The following DROSHA variants were observed in gnomAD, a reference collection of about 807,000 sequenced individuals.
DROSHA encodes the protein drosha ribonuclease III.
A neutral mutation model predicts 181.9 loss-of-function variants in DROSHA; 56 were observed. The observed-to-expected ratio is 0.31, with a 90% CI of 0.25 to 0.38. The LOEUF (loss-of-function observed/expected upper bound fraction) is 0.38. DROSHA is among the 10% of genes least tolerant of loss of function. The probability of loss-of-function intolerance (pLI) is 1.00; values close to 1 mark genes in which losing one functional copy is unlikely to be tolerated. For synonymous variants in DROSHA, 524 were observed against 591.2 expected, an observed-to-expected ratio of 0.89 and a Z score of 1.65; for missense variants, 1,218 against 1,743.5, an observed-to-expected ratio of 0.70 and a Z score of 5.37.
intron 16 of DROSHA, among the ~76,000 whole-genome samples, chr5:31,476,063 G>C (rs1408710700): frequency 1.3e-5 from 2 of 152,228 alleles, no homozygotes; most frequent in Non-Finnish European, 2.9e-5. Context: ...GGCACAACTA[G>C]ATTAAGAAAT....
At chr5:31,422,417 C>T (rs914879121) in intron 29 of DROSHA, among the ~76,000 whole-genome samples, 7 of 152,180 alleles carry the variant, frequency 4.6e-5, no homozygotes, top group African/African-American at 1.7e-4. Context: ...CAGCCATGTT[C>T]ACTCATTTGC....
At chr5:31,428,408 G>A (rs1423244894) in intron 27 of DROSHA, among the ~76,000 whole-genome samples, 2 of 152,122 alleles carry the variant, frequency 1.3e-5, no homozygotes, top group South Asian at 2.1e-4. Context: ...GAAAATTTAA[G>A]ATTTGAGAAA....
chr5:31,443,877 T>A (rs1745948937), intron 23 of DROSHA, among the ~76,000 whole-genome samples: 1 of 152,206 alleles, frequency 6.6e-6, no homozygotes, highest in South Asian at 2.1e-4. Context: ...CCTTTAATAC[T>A]TATTTACTGA....
chr5:31,528,626 C>T (rs17409624), intron 4 of DROSHA, among the ~76,000 whole-genome samples: 69,476 of 151,984 alleles, frequency 0.46, 16,554 homozygotes, highest in East Asian at 0.6. Context: ...ACATCATCAC[C>T]TCTTACATGG....
rs1456441160 is a variant in DROSHA, at chr5:31,530,909, C to A, written c.-158G>T. On this transcript the variant is annotated 5_prime_UTR_variant, in exon 3 of 36. Coordinates refer to ENST00000344624, the MANE Select transcript of DROSHA (RefSeq NM_001382508.1). ...ACAGTCATTTCTGTATCCTTCACAT[C>A]CCCGGGAAAAGCAACCTACACACAG... 2.5e-6 allele frequency: 1 copy of A among 398,434 alleles called. No individual in the cohort carries two copies. Among genetic ancestry groups the A allele is most frequent in the Non-Finnish European group, 4.4e-6 (1 of 226,052 alleles). 24.7% of individuals were successfully genotyped at this position (398,434 alleles called of 1,614,324 possible).
intron 20 of DROSHA, among the ~76,000 whole-genome samples, chr5:31,452,676 T>A (rs1040438214): frequency 6.6e-6 from 1 of 152,184 alleles, no homozygotes; most frequent in Non-Finnish European, 1.5e-5. Context: ...CTTGAAACTA[T>A]AGAAATTAGT....
intron 8 of DROSHA, among the ~76,000 whole-genome samples, chr5:31,512,815 C>A (rs989234840): frequency 7.2e-5 from 11 of 152,172 alleles, no homozygotes; most frequent in Admixed American, 5.2e-4. Context: ...CCTGGAGGAA[C>A]CAAGAAGTGC....
intron 30 of DROSHA, among the ~76,000 whole-genome samples, chr5:31,416,522 G>A (rs2149992042): frequency 6.6e-6 from 1 of 151,752 alleles, no homozygotes; most frequent in East Asian, 1.9e-4. Context: ...AAACAACACA[G>A]AATTTTGATG....
intron 30 of DROSHA, among the ~76,000 whole-genome samples, chr5:31,420,463 G>A (rs1201496825): frequency 3.3e-5 from 5 of 152,058 alleles, no homozygotes; most frequent in Non-Finnish European, 5.9e-5. Context: ...AAAACAGTAC[G>A]CAACAAATAA....
At chr5:31,462,896 G>C (rs1400115025) in intron 20 of DROSHA, among the ~76,000 whole-genome samples, 1 of 152,068 alleles carries the variant, frequency 6.6e-6, no homozygotes, top group Non-Finnish European at 1.5e-5. Context: ...TAGAAGGTCT[G>C]GAAGGCGCCT....
Position 31,451,596 on chromosome 5 carries a change from G to A in DROSHA, c.2619C>T (p.His873=). The A allele has an allele frequency of 6.2e-7, 1 of 1,613,042 alleles. No homozygotes were observed. Among genetic ancestry groups the A allele is most frequent in the Non-Finnish European group, 8.5e-7 (1 of 1,179,520 alleles). The change falls in exon 21 of 36, where the codon CAC becomes CAT. Residue 873 remains histidine (H), a synonymous_variant. Coordinates refer to ENST00000344624, the MANE Select transcript of DROSHA (RefSeq NM_001382508.1). The part of the protein sequence containing the change: ...LPVLTHHIRY[H]QCLMHLDKLI... ...ACTTGTCCAAATGCATTAGGCATTG[G>A]TGGTAGCGGATATGATGGGTCAGAA...
intron 16 of DROSHA, among the ~76,000 whole-genome samples, chr5:31,481,700 T>C (rs886137246): frequency 1.3e-5 from 2 of 152,118 alleles, no homozygotes; most frequent in African/African-American, 4.8e-5. Flanking sequence ...TAAAATAAAC[T>C]AAGCCATTTT....
At chr5:31,429,210 AT>A (rs1743840278) in intron 27 of DROSHA, among the ~76,000 whole-genome samples, 2 of 152,156 alleles carry the variant, frequency 1.3e-5, no homozygotes, top group Non-Finnish European at 2.9e-5. Flanking sequence ...GCGAAGTCCT[AT>A]TATATTTGTA....
chr5:31,499,592 G>A (rs1753357082), intron 11 of DROSHA, among the ~76,000 whole-genome samples: 1 of 152,170 alleles, frequency 6.6e-6, no homozygotes, highest in Non-Finnish European at 1.5e-5. Flanking sequence ...TAAGAACAAT[G>A]GCTATGATCC....
intron 27 of DROSHA, among the ~76,000 whole-genome samples, chr5:31,425,986 CAAT>C (rs1189623019): frequency 2.0e-5 from 3 of 152,256 alleles, no homozygotes; most frequent in South Asian, 2.1e-4. Flanking sequence ...ACAACAACAA[CAAT>C]GATAAAGAGC....
chr5:31,453,504 C>T (rs553620400), intron 20 of DROSHA, among the ~76,000 whole-genome samples: 12 of 152,140 alleles, frequency 7.9e-5, no homozygotes, highest in African/African-American at 2.9e-4. Flanking sequence ...GCGCCAGGCC[C>T]GAAAATTACT....
At chr5:31,425,646 CT>C (rs1339253448) in intron 27 of DROSHA, among the ~76,000 whole-genome samples, 3 of 152,130 alleles carry the variant, frequency 2.0e-5, no homozygotes. Context: ...CAGCACTGAC[CT>C]CTTACCTAAG....
chr5:31,530,994 C>G (rs931016381), intron 2 of DROSHA, 70 bp from the exon 3 acceptor site: 2 of 394,604 alleles, frequency 5.1e-6, no homozygotes, highest in Non-Finnish European at 8.9e-6. Flanking sequence ...TGCTACTGTA[C>G]ATTTCCCTTC....
At chr5:31,414,407 T>A (rs1397476349) in intron 30 of DROSHA, among the ~76,000 whole-genome samples, 1 of 152,170 alleles carries the variant, frequency 6.6e-6, no homozygotes, top group African/African-American at 2.4e-5. Flanking sequence ...ATCAGACTAT[T>A]TTGCAAACAA....
Sources: allele counts gnomAD v4.1 joint callset (sites outside exome capture counted in the v4.1 genomes callset), GRCh38; gene constraint gnomAD v4.1.1; transcripts MANE v1.5; gene names NCBI Gene and HGNC (gene_info 2026-07-23, HGNC 2026-07-21).